Variants in CCT4 observed in about 807,000 individuals in gnomAD.
CCT4 encodes chaperonin containing TCP1 subunit 4.
CCT4 carries 17 observed loss-of-function variants against 62.5 expected under a neutral mutation model. The observed-to-expected ratio is 0.27, with a 90% CI of 0.19 to 0.41. The LOEUF is 0.41. Among genes scored for constraint, CCT4 ranks in the 10% least tolerant of loss-of-function variants. The probability of loss-of-function intolerance (pLI) is 1.00; values close to 1 mark genes in which losing one functional copy is unlikely to be tolerated. For missense variants in CCT4, 592 were observed against 659.2 expected, an observed-to-expected ratio of 0.90 and a Z score of 1.12; for synonymous variants, 250 against 229.9, an observed-to-expected ratio of 1.09 and a Z score of -0.79.
intron 4 of CCT4, among the ~76,000 whole-genome samples, 191 bp downstream of exon 4, chr2:61,880,095 A>C (rs776431389): frequency 6.6e-6 from 1 of 152,218 alleles, no homozygotes; most frequent in African/African-American, 2.4e-5. Context: ...AGCAAATATC[A>C]GAAGCCAAGG....
At chr2:61,880,695 T>G (rs185476710) in intron 3 of CCT4, among the ~76,000 whole-genome samples, 47 of 152,202 alleles carry the variant, frequency 3.1e-4, no homozygotes, top group African/African-American at 1.1e-3. Flanking sequence ...GCATTCCAGA[T>G]GAGACTAGAG....
chr2:61,872,642 C>A (rs1276880026), intron 10 of CCT4, 54 bp from the exon 11 acceptor site: 99 of 1,598,540 alleles, frequency 6.2e-5, no homozygotes, highest in Non-Finnish European at 8.4e-5. Context: ...AAACCCCACA[C>A]CCAGGCCGGG....
intron 3 of CCT4, among the ~76,000 whole-genome samples, chr2:61,882,705 C>T (rs757432348): frequency 6.6e-6 from 1 of 152,130 alleles, no homozygotes; most frequent in Non-Finnish European, 1.5e-5. Flanking sequence ...GAGACAAGGT[C>T]TCGCCATGTT....
At chr2:61,880,898 G>A (rs930808329) in intron 3 of CCT4, among the ~76,000 whole-genome samples, 4 of 151,858 alleles carry the variant, frequency 2.6e-5, no homozygotes, top group Non-Finnish European at 4.4e-5. Flanking sequence ...TTTTTTGTTC[G>A]TTTGTTTTTA....
At chr2:61,870,558 C>T (rs1046454015) in intron 12 of CCT4, among the ~76,000 whole-genome samples, 1 of 152,140 alleles carries the variant, frequency 6.6e-6, no homozygotes, top group Non-Finnish European at 1.5e-5. Flanking sequence ...TCCTGATGGC[C>T]TCTAACAGGC....
At position 61,879,013 on chromosome 2, in the gene CCT4, TG is replaced by T. The variant is rs1669056527; in HGVS notation, c.380-3del. ...CAGAAATGATGGTTGGATGAATCCC[TG>T]TAATTTGTGAAAGTCTAGTTATTTA... On this transcript the variant is annotated splice_polypyrimidine_tract_variant and splice_region_variant and intron_variant, in intron 4 of 13. Transcript: ENST00000394440. 1 of 1,588,662 alleles carries T rather than the reference TG, an allele frequency of 6.3e-7. No homozygotes were observed. The highest frequency in any genetic ancestry group is 1.4e-5 in the African/African-American group (1 of 73,708).
chr2:61,881,348 C>T (rs1178265025), intron 3 of CCT4, among the ~76,000 whole-genome samples: 2 of 152,020 alleles, frequency 1.3e-5, no homozygotes, highest in Non-Finnish European at 2.9e-5. Flanking sequence ...TGTCGAACTC[C>T]TGACCTCAGG....
Position 61,883,552 on chromosome 2 carries a change from G to A in CCT4, c.181-4C>T. On this transcript the variant is annotated splice_region_variant and splice_polypyrimidine_tract_variant and intron_variant, in intron 2 of 13. Coordinates refer to ENST00000394440, the MANE Select transcript of CCT4 (RefSeq NM_006430.4). ...CATCACCTTTTCCATCTTGAATCTA[G>A]AAAAAAAATTTTAAAGTTATATTTC... 1 of 1,516,732 alleles carries A rather than the reference G, an allele frequency of 6.6e-7. No individual in the cohort carries two copies. Among genetic ancestry groups the A allele is most frequent in the Admixed American group, 1.9e-5 (1 of 53,248 alleles). The allele number at this position is 1,516,732 out of a possible 1,614,324, so 94.0% of individuals were successfully genotyped here.
chr2:61,885,009 C>G lies in CCT4; in HGVS notation c.180+11G>C, dbSNP rs527576563. ...GCTCAATTAGTAGTATTCAATGACT[C>G]AACTCTTTACCATTTTATCCATTCC... On this transcript the variant is annotated intron_variant, in intron 2 of 13. Coordinates refer to ENST00000394440, the MANE Select transcript of CCT4 (RefSeq NM_006430.4). The G allele has an allele frequency of 1.3e-6, 2 of 1,576,362 alleles. No individual in the cohort carries two copies. The highest frequency in any genetic ancestry group is 3.7e-5 in the Admixed American group (2 of 53,898).
intron 12 of CCT4, among the ~76,000 whole-genome samples, chr2:61,871,875 G>T (rs1182102625): frequency 6.6e-6 from 1 of 152,200 alleles, no homozygotes; most frequent in South Asian, 2.1e-4. Flanking sequence ...GTAAGTGGCA[G>T]ATTTAATGAA....
At position 61,885,083 on chromosome 2, in the gene CCT4, G is replaced by GA. The variant is rs1283302138; in HGVS notation, c.128-12_128-11insT. The GA allele has an allele frequency of 6.8e-7, 1 of 1,463,328 alleles. No individual in the cohort carries two copies. The highest frequency in any genetic ancestry group is 9.0e-7 in the Non-Finnish European group (1 of 1,117,304). 90.6% of individuals were successfully genotyped at this position (1,463,328 alleles called of 1,614,324 possible). ...TAGCATCAGCAACCGCTGCAGATGG[G>GA]GGGGAAAAAAAAGAAAACAAATTAG... On this transcript the variant is annotated splice_polypyrimidine_tract_variant and intron_variant, in intron 1 of 13. Transcript: ENST00000394440.
At chr2:61,886,763 A>C (rs1425966885) in intron 1 of CCT4, among the ~76,000 whole-genome samples, 1 of 150,312 alleles carries the variant, frequency 6.7e-6, no homozygotes, top group Non-Finnish European at 1.5e-5. Flanking sequence ...CCCCAAATTT[A>C]TCTTTTTTTT....
At position 61,872,467 on chromosome 2, in the gene CCT4, A is replaced by G; in HGVS notation, c.1247T>C (p.Val416Ala). The G allele has an allele frequency of 1.2e-6, 2 of 1,612,318 alleles. No homozygotes were observed. The highest frequency in any genetic ancestry group is 2.2e-5 in the South Asian group (2 of 90,670). The change falls in exon 11 of 14, where the codon GTG (valine) becomes GCG (alanine). Residue 416 changes from valine (V) to alanine (A), a missense_variant. By Grantham distance (64) the Val-to-Ala change is moderately conservative (BLOSUM62 0). Coordinates refer to ENST00000394440, the MANE Select transcript of CCT4 (RefSeq NM_006430.4). Reference sequence around the variant, plus strand: ...GTAACACTGACATTACCTCTTCTTCACTAAACAACGAATAACACATAGGGC... The same window carrying G: ...GTAACACTGACATTACCTCTTCTTCGCTAAACAACGAATAACACATAGGGC... The part of the protein sequence containing the change: ...HDALCVIRCL[V>A]KKRALIAGGG...
intron 8 of CCT4, among the ~76,000 whole-genome samples, chr2:61,875,200 G>C (rs992627568): frequency 4.0e-5 from 6 of 151,322 alleles, no homozygotes; most frequent in Non-Finnish European, 8.8e-5. Context: ...TTTCCAGCTT[G>C]TAACTGCAAG....
At chr2:61,880,647 T>C (rs1305961865) in intron 3 of CCT4, among the ~76,000 whole-genome samples, 1 of 152,148 alleles carries the variant, frequency 6.6e-6, no homozygotes, top group East Asian at 1.9e-4. Flanking sequence ...CAAAAATATA[T>C]CGTAAGTACT....
At chr2:61,876,318 T>C (rs1175115128) in intron 7 of CCT4, 84 bp from the exon 8 acceptor site, 2 of 1,033,106 alleles carry the variant, frequency 1.9e-6, no homozygotes, top group African/African-American at 3.2e-5. Flanking sequence ...TACTATGTGT[T>C]GTATAAATTC....
rs539014655 is a variant in CCT4 at position 61,874,321 on chromosome 2, T to C, written c.918-1028A>G. Among the ~76,000 whole-genome samples, 36 of 152,178 alleles carry C rather than the reference T, an allele frequency of 2.4e-4. No individual in the cohort carries two copies. In the South Asian group the frequency reaches 7.3e-3, roughly 31 times the overall value. On this transcript the variant is annotated intron_variant, in intron 8 of 13. Coordinates refer to ENST00000394440, the MANE Select transcript of CCT4 (RefSeq NM_006430.4). ...TTAATGGAGTAAATGGGAATGCGTC[T>C]ATTAGGAAAAAATACTGGCCAGGCA...
At chr2:61,886,751 G>A (rs981396324) in intron 1 of CCT4, among the ~76,000 whole-genome samples, 1 of 151,318 alleles carries the variant, frequency 6.6e-6, no homozygotes, top group Non-Finnish European at 1.5e-5. Context: ...AACTCTCTTG[G>A]CCCCCAAATT....
chr2:61,886,598 G>A (rs1453702622), intron 1 of CCT4, among the ~76,000 whole-genome samples: 1 of 152,086 alleles, frequency 6.6e-6, no homozygotes, highest in African/African-American at 2.4e-5. Flanking sequence ...AAGACATAAC[G>A]GGTCATCTTC....
Sources: allele counts gnomAD v4.1 joint callset (sites outside exome capture counted in the v4.1 genomes callset), GRCh38; gene constraint gnomAD v4.1.1; transcripts MANE v1.5; gene names NCBI Gene and HGNC (gene_info 2026-07-23, HGNC 2026-07-21).